Variants in ANK3 observed in about 807,000 individuals in gnomAD.
ANK3 encodes ankyrin-3.
In ANK3, 57 loss-of-function variants were observed where a neutral mutation model predicts 370.9. That is an observed-to-expected ratio of 0.15 (90% CI 0.12 to 0.19). The LOEUF is 0.19. Among genes scored for constraint, ANK3 ranks in the 10% least tolerant of loss-of-function variants. The pLI, the probability that ANK3 is intolerant of heterozygous loss-of-function variation, is 1.00. For synonymous variants in ANK3, 1,929 were observed against 1,946.3 expected, an observed-to-expected ratio of 0.99 and a Z score of 0.23; for missense variants, 4,439 against 5,302.1, an observed-to-expected ratio of 0.84 and a Z score of 5.06.
intron 2 of ANK3, among the ~76,000 whole-genome samples, chr10:60,557,510 T>TA (rs1346942509): frequency 6.6e-6 from 1 of 152,032 alleles, no homozygotes; most frequent in African/African-American, 2.4e-5. Flanking sequence ...ACTTAATGAG[T>TA]ACAGGGCTTT....
At chr10:60,347,932 A>T (rs1380458) in intron 1 of ANK3, among the ~76,000 whole-genome samples, 106,022 of 151,928 alleles carry the variant, frequency 0.7, 38,273 homozygotes, top group South Asian at 0.91. Context: ...CCGCAGCTTT[A>T]CAGCATGAGA....
chr10:60,613,314 C>T (rs1207143694), intron 2 of ANK3, among the ~76,000 whole-genome samples: 1 of 152,040 alleles, frequency 6.6e-6, no homozygotes, highest in Non-Finnish European at 1.5e-5. Flanking sequence ...TGGGATAAGA[C>T]CTATAAAAGC....
At chr10:60,502,494 A>G (rs1194735511) in intron 2 of ANK3, among the ~76,000 whole-genome samples, 1 of 152,194 alleles carries the variant, frequency 6.6e-6, no homozygotes, top group Non-Finnish European at 1.5e-5. Flanking sequence ...GTATCTATGT[A>G]AAACATTTGG....
At position 60,085,223 on chromosome 10, in the gene ANK3, A is replaced by T; in HGVS notation, c.3779T>A (p.Ile1260Asn). The T allele has an allele frequency of 6.2e-7, 1 of 1,613,234 alleles. No individual in the cohort carries two copies. The highest frequency in any genetic ancestry group is 8.5e-7 in the Non-Finnish European group (1 of 1,179,598). Residue 1260 changes from isoleucine (I) to asparagine (N), a missense_variant, in exon 31 of 44, where the codon ATC becomes AAC. Transcript: ENST00000280772. ...AAACGTCAAAGGAGTTGTTCCTGTG[A>T]TGTCTTCCCACTGAGCAGGCGAAGT... Reference protein sequence around the residue: ...GGTSPAQWEDITGTTPLTFIK... With the variant: ...GGTSPAQWEDNTGTTPLTFIK...
At chr10:60,203,931 T>A (rs887896803) in intron 11 of ANK3, among the ~76,000 whole-genome samples, 6 of 152,370 alleles carry the variant, frequency 3.9e-5, no homozygotes, top group South Asian at 2.1e-4. Flanking sequence ...GATTCCATTT[T>A]AAATTTTTCA....
At chr10:60,175,748 C>A (rs548531500) in intron 18 of ANK3, among the ~76,000 whole-genome samples, 42 of 152,330 alleles carry the variant, frequency 2.8e-4, no homozygotes, top group African/African-American at 9.4e-4. Context: ...CAGCCAGGAG[C>A]CCGGGCCTCA....
chr10:60,112,095 A>C (rs915642079), intron 26 of ANK3, among the ~76,000 whole-genome samples: 3 of 152,282 alleles, frequency 2.0e-5, no homozygotes, highest in Admixed American at 6.5e-5. Flanking sequence ...GGTGAAGGGG[A>C]GATAACTTGC....
At chr10:60,152,282 G>C (rs1354443243) in intron 23 of ANK3, among the ~76,000 whole-genome samples, 1 of 152,114 alleles carries the variant, frequency 6.6e-6, no homozygotes, top group African/African-American at 2.4e-5. Context: ...CTGTAAATAA[G>C]CTTTATTAGT....
rs141512128 is a variant in ANK3 at position 60,407,673 on chromosome 10, C to T, written c.97-128034G>A. Among the ~76,000 whole-genome samples the T allele has an allele frequency of 2.5e-3, 383 of 152,276 alleles. 1 individual carries two copies. Among genetic ancestry groups the T allele is most frequent in the African/African-American group, 8.6e-3 (357 of 41,552 alleles). On this transcript the variant is annotated intron_variant, in intron 2 of 43. Transcript: ENST00000373827. Reference sequence around the variant, plus strand: ...AAACCATCTTATGACTTTGTAATTCCTGTTTTATAAATTGTGTAAACTGAG... The same window carrying T: ...AAACCATCTTATGACTTTGTAATTCTTGTTTTATAAATTGTGTAAACTGAG...
chr10:60,521,583 A>G (rs1427288834), intron 2 of ANK3, among the ~76,000 whole-genome samples: 1 of 152,150 alleles, frequency 6.6e-6, no homozygotes, highest in Admixed American at 6.6e-5. Context: ...TGTAAGACCC[A>G]TAGGTAAAAT....
chr10:60,104,234 A>G (rs753820936), intron 28 of ANK3, among the ~76,000 whole-genome samples: 3 of 151,552 alleles, frequency 2.0e-5, no homozygotes, highest in Non-Finnish European at 4.4e-5. Context: ...TTGGCACTCA[A>G]TCTCTCTGAG....
At chr10:60,508,438 C>A (rs1469972141) in intron 2 of ANK3, 1 of 152,652 alleles carries the variant, frequency 6.6e-6, no homozygotes, top group African/African-American at 2.4e-5. Flanking sequence ...AACTTGATAT[C>A]ACGAGCTATG....
intron 21 of ANK3, among the ~76,000 whole-genome samples, chr10:60,170,421 C>T (rs1186117277): frequency 6.6e-6 from 1 of 152,210 alleles, no homozygotes; most frequent in Admixed American, 6.5e-5. Context: ...TACATCAGTC[C>T]TGTCTAAGCT....
At chr10:60,228,739 G>C (rs555833315) in intron 8 of ANK3, among the ~76,000 whole-genome samples, 2 of 152,016 alleles carry the variant, frequency 1.3e-5, no homozygotes, top group South Asian at 4.2e-4. Flanking sequence ...AACTGATGTA[G>C]AGCTATTTAA....
intron 2 of ANK3, among the ~76,000 whole-genome samples, chr10:60,532,583 G>T (rs1016122513): frequency 6.6e-6 from 1 of 151,852 alleles, no homozygotes; most frequent in Admixed American, 6.6e-5. Context: ...TGCAGCCCTT[G>T]TTAAAACACA....
chr10:60,188,884 G>A (rs899599193), intron 16 of ANK3, among the ~76,000 whole-genome samples: 1 of 152,152 alleles, frequency 6.6e-6, no homozygotes, highest in Non-Finnish European at 1.5e-5. Flanking sequence ...CAAATGCAGA[G>A]CTTTGGTCTG....
chr10:60,031,797 C>T (rs2073640025), intron 43 of ANK3, among the ~76,000 whole-genome samples: 1 of 152,132 alleles, frequency 6.6e-6, no homozygotes, highest in South Asian at 2.1e-4. Flanking sequence ...CTCTGCCCCC[C>T]TACAGGACCT....
chr10:60,203,902 C>T (rs993329611), intron 11 of ANK3, among the ~76,000 whole-genome samples: 2 of 152,108 alleles, frequency 1.3e-5, no homozygotes, highest in Admixed American at 6.5e-5. Context: ...ATAATTTACT[C>T]GTGCTTTTTA....
At chr10:60,502,782 AAG>A (rs1419298882) in intron 2 of ANK3, among the ~76,000 whole-genome samples, 7 of 149,690 alleles carry the variant, frequency 4.7e-5, no homozygotes, top group Non-Finnish European at 8.9e-5. Context: ...AAAGAAAAGA[AAG>A]AAAGAAAAAA....
Sources: allele counts gnomAD v4.1 joint callset (sites outside exome capture counted in the v4.1 genomes callset), GRCh38; gene constraint gnomAD v4.1.1; transcripts MANE v1.5; gene names NCBI Gene and HGNC (gene_info 2026-07-23, HGNC 2026-07-21).